HDX: variants seen among roughly 807,000 people sequenced by gnomAD.
HDX encodes highly divergent homeobox.
Under a neutral mutation model 45.2 loss-of-function variants are expected in HDX, and 19 were observed. The ratio of observed to expected loss-of-function variants is 0.42; its 90% CI spans 0.29 to 0.62. The LOEUF (loss-of-function observed/expected upper bound fraction) is 0.62, where lower values mean the gene tolerates loss of function less well. Ranked by LOEUF, HDX falls within the 20% of genes least tolerant of loss-of-function variation. The pLI, the probability that HDX is intolerant of heterozygous loss-of-function variation, is 0.20. For synonymous variants in HDX, 188 were observed against 172.8 expected, an observed-to-expected ratio of 1.09 and a Z score of -0.69; for missense variants, 532 against 493.9, an observed-to-expected ratio of 1.08 and a Z score of -0.73.
At chrX:84,492,382 C>T (rs1271402951) in intron 1 of HDX, among the ~76,000 whole-genome samples, 1 of 110,390 alleles carries the variant, frequency 9.1e-6, no homozygotes, top group Non-Finnish European at 1.9e-5. Flanking sequence ...TTCAGGTGAC[C>T]TTTTGGAGTG....
chrX:84,484,716 A>G (rs766058401), intron 2 of HDX, among the ~76,000 whole-genome samples: 7 of 112,005 alleles, frequency 6.2e-5, no homozygotes, highest in Non-Finnish European at 1.1e-4. Context: ...AAAAATAGCC[A>G]TTTTGACTGG....
intron 3 of HDX, among the ~76,000 whole-genome samples, chrX:84,471,438 TA>T (rs1443240459): frequency 2.0e-5 from 2 of 102,432 alleles, no homozygotes; most frequent in African/African-American, 7.5e-5. Context: ...TTTTATATAT[TA>T]TATATATATA....
chrX:84,460,491 C>T (rs989849011), intron 4 of HDX, among the ~76,000 whole-genome samples: 2 of 111,537 alleles, frequency 1.8e-5, no homozygotes, highest in African/African-American at 6.5e-5. Flanking sequence ...AACTCAATAT[C>T]GCTTCATGAT....
rs2040869432 is a variant in HDX, at chrX:84,490,337, G to GTAATAGAT, written c.-109-2213_-109-2206dup. Among the ~76,000 whole-genome samples, 5 of 111,517 alleles carry GTAATAGAT rather than the reference G, an allele frequency of 4.5e-5. No homozygotes were observed. In the South Asian group the frequency reaches 1.8e-3, roughly 41 times the overall value. ...AGTATTTTGTTAAAGTGACCCTCAA[G>GTAATAGAT]TAATAGATTTCAAGTTTTCTACGTA... On this transcript the variant is annotated intron_variant, in intron 1 of 10. Transcript: ENST00000373177.
chrX:84,332,158 T>C (rs1323777667), intron 9 of HDX, among the ~76,000 whole-genome samples: 1 of 111,502 alleles, frequency 9.0e-6, no homozygotes, highest in Admixed American at 9.6e-5. Context: ...TTGCTTACCT[T>C]TCCCTTAGAA....
At chrX:84,324,342 C>G (rs894871412) in intron 10 of HDX, among the ~76,000 whole-genome samples, 4 of 111,252 alleles carry the variant, frequency 3.6e-5, no homozygotes, top group African/African-American at 1.3e-4. Context: ...TAACTCCTTC[C>G]AGAAATAAAC....
intron 5 of HDX, among the ~76,000 whole-genome samples, chrX:84,363,458 C>T (rs999314258): frequency 8.9e-6 from 1 of 112,025 alleles, no homozygotes; most frequent in African/African-American, 3.2e-5. Flanking sequence ...GCTGATCACA[C>T]TCAGCTAATT....
chrX:84,480,560 ATTG>A lies in HDX; in HGVS notation c.1-5166_1-5164del, dbSNP rs1213026859. On this transcript the variant is annotated intron_variant, in intron 2 of 10. Coordinates refer to ENST00000373177, the MANE Select transcript of HDX (RefSeq NM_001177479.2). The stretch of plus-strand genomic sequence containing the variant: ...CTGAGTTCTTCTTCTTATTATTATT[ATTG>A]TTACCACTAATGGATATTGAATTTT... 6.8e-4 allele frequency among the ~76,000 whole-genome samples: 75 copies of A among 110,864 alleles called. 1 individual carries two copies. Among genetic ancestry groups the A allele is most frequent in the African/African-American group, 2.2e-3 (68 of 30,634 alleles).
chrX:84,489,284 A>G (rs1408481009), intron 1 of HDX, among the ~76,000 whole-genome samples: 1 of 111,874 alleles, frequency 8.9e-6, no homozygotes, highest in Non-Finnish European at 1.9e-5. Context: ...CCTCTCTACC[A>G]TGTGGACATA....
At chrX:84,455,127 T>C (rs1337677730) in intron 4 of HDX, among the ~76,000 whole-genome samples, 1 of 111,374 alleles carries the variant, frequency 9.0e-6, no homozygotes, top group Non-Finnish European at 1.9e-5. Context: ...GCCCAGACAG[T>C]GAAGACTACA....
At chrX:84,496,947 T>G (rs1376495207) in intron 1 of HDX, among the ~76,000 whole-genome samples, 1 of 111,315 alleles carries the variant, frequency 9.0e-6, no homozygotes, top group Non-Finnish European at 1.9e-5. Context: ...AATCCCCACA[T>G]GTGGAGGGAG....
intron 2 of HDX, among the ~76,000 whole-genome samples, chrX:84,486,150 T>A (rs764201948): frequency 9.0e-6 from 1 of 111,108 alleles, no homozygotes; most frequent in East Asian, 2.8e-4. Flanking sequence ...GAATACTTTT[T>A]GGTATTCTGT....
At chrX:84,444,644 G>C (rs953835629) in intron 4 of HDX, among the ~76,000 whole-genome samples, 1 of 111,137 alleles carries the variant, frequency 9.0e-6, no homozygotes, top group Admixed American at 9.6e-5. Context: ...GAAAGAAAGT[G>C]TACTTACTGT....
intron 7 of HDX, among the ~76,000 whole-genome samples, chrX:84,342,432 A>G (rs1388858400): frequency 1.8e-5 from 2 of 111,278 alleles, no homozygotes; most frequent in African/African-American, 6.5e-5. Flanking sequence ...AAAGTTGTAA[A>G]CTGTCAAATC....
At chrX:84,490,486 G>A (rs1009200372) in intron 1 of HDX, among the ~76,000 whole-genome samples, 1 of 111,081 alleles carries the variant, frequency 9.0e-6, no homozygotes, top group Non-Finnish European at 1.9e-5. Context: ...AATTGTTATT[G>A]CTTAAAATGA....
At chrX:84,389,079 A>C (rs890501206) in intron 5 of HDX, among the ~76,000 whole-genome samples, 3 of 111,733 alleles carry the variant, frequency 2.7e-5, no homozygotes, top group Non-Finnish European at 5.6e-5. Flanking sequence ...TATTGGCAGA[A>C]TATTTGGCGT....
chrX:84,360,080 A>G (rs1482765354), intron 6 of HDX, among the ~76,000 whole-genome samples: 1 of 112,106 alleles, frequency 8.9e-6, no homozygotes, highest in East Asian at 2.8e-4. Flanking sequence ...AAACAATTTT[A>G]CAAGTAAAAA....
intron 6 of HDX, among the ~76,000 whole-genome samples, chrX:84,352,003 A>C (rs757686936): frequency 2.5e-3 from 281 of 112,115 alleles, no homozygotes; most frequent in South Asian, 4.1e-3. Flanking sequence ...TAGTGTAGAA[A>C]ACCACTAAAT....
intron 1 of HDX, among the ~76,000 whole-genome samples, chrX:84,490,991 A>T (rs2040883101): frequency 9.0e-6 from 1 of 111,008 alleles, no homozygotes; most frequent in Non-Finnish European, 1.9e-5. Flanking sequence ...ATGAATTTCA[A>T]TTATTAGAGT....
Sources: gnomAD v4.1 joint callset for allele counts (sites outside exome capture counted in the v4.1 genomes callset) on GRCh38, gnomAD v4.1.1 for gene constraint, MANE v1.5 for transcripts, NCBI Gene and HGNC (gene_info 2026-07-23, HGNC 2026-07-21) for gene names.